Variants in ASTN2 observed in about 807,000 individuals in gnomAD.
The protein encoded by ASTN2 is astrotactin 2, also known as astrotactin-2.
A neutral mutation model predicts 139.8 loss-of-function variants in ASTN2; 54 were observed. The ratio of observed to expected loss-of-function variants is 0.39; its 90% CI spans 0.31 to 0.48. The LOEUF is 0.48. Among genes scored for constraint, ASTN2 ranks in the 20% least tolerant of loss-of-function variants. The pLI, the probability that ASTN2 is intolerant of heterozygous loss-of-function variation, is 0.95. For missense variants in ASTN2, 1,565 were observed against 1,725.1 expected, an observed-to-expected ratio of 0.91 and a Z score of 1.64; for synonymous variants, 756 against 719.5, an observed-to-expected ratio of 1.05 and a Z score of -0.81.
At chr9:117,046,899 C>T (rs1200238689) in intron 5 of ASTN2, among the ~76,000 whole-genome samples, 1 of 152,112 alleles carries the variant, frequency 6.6e-6, no homozygotes, top group East Asian at 1.9e-4. Context: ...TATTGGAATG[C>T]TGCTATTGGT....
At chr9:117,213,807 A>C (rs1424636806) in intron 3 of ASTN2, among the ~76,000 whole-genome samples, 3 of 152,218 alleles carry the variant, frequency 2.0e-5, no homozygotes, top group Non-Finnish European at 4.4e-5. Flanking sequence ...GGCAGTGACC[A>C]GGAAGGTGAA....
intron 2 of ASTN2, among the ~76,000 whole-genome samples, chr9:117,278,454 GA>G (rs2133138013): frequency 6.6e-6 from 1 of 152,188 alleles, no homozygotes; most frequent in Admixed American, 6.5e-5. Context: ...GATTCTACTT[GA>G]CTTAAAATTC....
rs1181691019 is a variant in ASTN2, at chr9:117,225,547, A to G, written c.631-10805T>C. Reference sequence around the variant, plus strand: ...GGCCAAGCTGTATGTATATATATATATATATATATATATATATATATATAT... The same window carrying G: ...GGCCAAGCTGTATGTATATATATATGTATATATATATATATATATATATAT... On this transcript the variant is annotated intron_variant, in intron 2 of 22. Transcript: ENST00000313400. Among the ~76,000 whole-genome samples the G allele has an allele frequency of 5.8e-3, 432 of 74,528 alleles. 35 individuals are homozygous for G. The highest frequency in any genetic ancestry group is 0.031 in the African/African-American group (287 of 9,176). 48.9% of individuals were successfully genotyped at this position (74,528 alleles called of 152,430 possible).
chr9:116,800,432 T>C (rs976190425), intron 13 of ASTN2, among the ~76,000 whole-genome samples: 7 of 152,220 alleles, frequency 4.6e-5, no homozygotes, highest in Admixed American at 3.9e-4. Context: ...GTGCAAACCC[T>C]TGGACTGTTC....
At chr9:116,819,545 T>A (rs4509411) in intron 12 of ASTN2, among the ~76,000 whole-genome samples, 110,505 of 152,084 alleles carry the variant, frequency 0.73, 40,325 homozygotes, top group Middle Eastern at 0.86. Context: ...CATACAAGTT[T>A]AATTCATTTT....
chr9:116,550,451 G>C (rs1336175470), intron 19 of ASTN2, among the ~76,000 whole-genome samples: 2 of 152,068 alleles, frequency 1.3e-5, no homozygotes, highest in East Asian at 3.9e-4. Context: ...GTCACCTATG[G>C]GATTCCCTAT....
chr9:116,706,713 G>T (rs1827995696), intron 16 of ASTN2, among the ~76,000 whole-genome samples: 1 of 151,468 alleles, frequency 6.6e-6, no homozygotes, highest in Admixed American at 6.6e-5. Flanking sequence ...TACCACTGCA[G>T]GGCTCTCCTC....
chr9:117,203,530 T>TTTGTTG (rs373970577), intron 3 of ASTN2, among the ~76,000 whole-genome samples: 3 of 151,876 alleles, frequency 2.0e-5, no homozygotes, highest in South Asian at 2.1e-4. Flanking sequence ...TGTGGGGGCC[T>TTTGTTG]TTGTTGTTGT....
At chr9:117,095,014 A>T (rs1366528086) in intron 5 of ASTN2, among the ~76,000 whole-genome samples, 1 of 152,184 alleles carries the variant, frequency 6.6e-6, no homozygotes, top group Non-Finnish European at 1.5e-5. Context: ...GTTTGTGAGA[A>T]AAGTTCCTCC....
intron 3 of ASTN2, among the ~76,000 whole-genome samples, chr9:117,158,155 T>C (rs769516428): frequency 6.6e-6 from 1 of 152,094 alleles, no homozygotes; most frequent in Non-Finnish European, 1.5e-5. Flanking sequence ...ATAGTAATTA[T>C]ACGTGTAGTC....
chr9:116,848,658 G>A (rs1011067488), intron 11 of ASTN2, among the ~76,000 whole-genome samples: 2 of 152,112 alleles, frequency 1.3e-5, no homozygotes, highest in African/African-American at 4.8e-5. Flanking sequence ...TGTGACATAG[G>A]AAAAACAAAC....
chr9:116,533,985 T>G (rs1336976805), intron 19 of ASTN2, among the ~76,000 whole-genome samples: 1 of 152,214 alleles, frequency 6.6e-6, no homozygotes, highest in African/African-American at 2.4e-5. Context: ...TGAATCCATC[T>G]GGTCCTGGAA....
intron 12 of ASTN2, among the ~76,000 whole-genome samples, chr9:116,813,482 C>T (rs774082646): frequency 6.6e-6 from 1 of 152,170 alleles, no homozygotes; most frequent in Non-Finnish European, 1.5e-5. Flanking sequence ...TGACTTGGGT[C>T]TTCTTACTCC....
intron 7 of ASTN2, among the ~76,000 whole-genome samples, chr9:117,004,767 A>G (rs999933929): frequency 3.9e-5 from 6 of 152,274 alleles, no homozygotes; most frequent in Non-Finnish European, 7.4e-5. Context: ...AAACAGACCA[A>G]TAACAATTAT....
intron 2 of ASTN2, among the ~76,000 whole-genome samples, chr9:117,275,905 TA>T (rs1378988519): frequency 6.6e-6 from 1 of 152,132 alleles, no homozygotes; most frequent in Non-Finnish European, 1.5e-5. Flanking sequence ...CAAATAACCT[TA>T]ATTACCTCCT....
intron 2 of ASTN2, among the ~76,000 whole-genome samples, chr9:117,231,672 G>A (rs1215606713): frequency 6.6e-6 from 1 of 152,122 alleles, no homozygotes; most frequent in African/African-American, 2.4e-5. Flanking sequence ...GGAAAGGGGA[G>A]AATAGAGGCA....
Position 117,178,583 on chromosome 9 carries a change from A to G in ASTN2, c.1015+35775T>C, listed in dbSNP as rs532736368. 3.3e-4 allele frequency among the ~76,000 whole-genome samples: 50 copies of G among 152,304 alleles called. 1 individual carries two copies. The highest frequency in any genetic ancestry group is 1.2e-3 in the African/African-American group (48 of 41,562). On this transcript the variant is annotated intron_variant, in intron 3 of 22. Transcript: ENST00000313400. The stretch of plus-strand genomic sequence containing the variant: ...GCTCCAGGGCAGGCAATGAAAGGAC[A>G]ATGGATAAGCGCTCAGAGGGACAAA...
chr9:116,978,240 C>T (rs1468476281), intron 7 of ASTN2, among the ~76,000 whole-genome samples: 1 of 152,096 alleles, frequency 6.6e-6, no homozygotes, highest in Non-Finnish European at 1.5e-5. Context: ...GAATGACTCA[C>T]AGGATTATAA....
intron 7 of ASTN2, among the ~76,000 whole-genome samples, chr9:116,983,895 T>G (rs1836593535): frequency 6.6e-6 from 1 of 152,194 alleles, no homozygotes; most frequent in Non-Finnish European, 1.5e-5. Context: ...CAAGGGCAGC[T>G]GAGTCCTGGC....
Sources: allele counts gnomAD v4.1 joint callset (sites outside exome capture counted in the v4.1 genomes callset), GRCh38; gene constraint gnomAD v4.1.1; transcripts MANE v1.5; gene names NCBI Gene and HGNC (gene_info 2026-07-23, HGNC 2026-07-21).